Variants in ROBO1 observed in about 807,000 individuals in gnomAD.
ROBO1 encodes roundabout homolog 1.
A neutral mutation model predicts 195.9 loss-of-function variants in ROBO1; 149 were observed. The ratio of observed to expected loss-of-function variants is 0.76; its 90% CI spans 0.67 to 0.87. The LOEUF (loss-of-function observed/expected upper bound fraction) is 0.87, where lower values mean the gene tolerates loss of function less well. Among genes scored for constraint, ROBO1 ranks in the 40% least tolerant of loss-of-function variants. The pLI is 0.00. For missense variants in ROBO1, 1,933 were observed against 2,068.3 expected, an observed-to-expected ratio of 0.93 and a Z score of 1.27; for synonymous variants, 816 against 733.2, an observed-to-expected ratio of 1.11 and a Z score of -1.82.
intron 1 of ROBO1, among the ~76,000 whole-genome samples, chr3:79,648,266 C>T (rs2106724845): frequency 6.6e-6 from 1 of 152,196 alleles, no homozygotes; most frequent in Non-Finnish European, 1.5e-5. Flanking sequence ...TTAGGTATGT[C>T]TGCATTTCAG....
chr3:78,994,894 T>C (rs2077324120), intron 3 of ROBO1, among the ~76,000 whole-genome samples: 1 of 152,062 alleles, frequency 6.6e-6, no homozygotes, highest in Non-Finnish European at 1.5e-5. Context: ...GGGAGGCCAT[T>C]AAAACGCTAG....
chr3:79,587,406 GA>G (rs1943862239), intron 2 of ROBO1, among the ~76,000 whole-genome samples: 1 of 151,774 alleles, frequency 6.6e-6, no homozygotes, highest in Non-Finnish European at 1.5e-5. Context: ...TGTACCCTGA[GA>G]AGTCTTGTTC....
chr3:79,469,495 T>G (rs1242847828), intron 2 of ROBO1, among the ~76,000 whole-genome samples: 2 of 152,182 alleles, frequency 1.3e-5, no homozygotes, highest in Non-Finnish European at 2.9e-5. Context: ...ACTTTAAAAT[T>G]AAGAAGAAAT....
intron 18 of ROBO1, among the ~76,000 whole-genome samples, chr3:78,655,319 T>A (rs1706936289): frequency 6.6e-6 from 1 of 152,120 alleles, no homozygotes; most frequent in African/African-American, 2.4e-5. Context: ...AGCCAGTGAC[T>A]TAGTTTTGAG....
intron 1 of ROBO1, among the ~76,000 whole-genome samples, chr3:79,754,046 GGAAATACCTTGTGA>G (rs1187630992): frequency 6.6e-6 from 1 of 152,038 alleles, no homozygotes; most frequent in Non-Finnish European, 1.5e-5. Flanking sequence ...AAGGATACAA[GGAAATACCTTGTGA>G]GAAAAGATTA....
chr3:79,138,101 G>C (rs989035227), intron 2 of ROBO1, among the ~76,000 whole-genome samples: 7 of 151,944 alleles, frequency 4.6e-5, no homozygotes, highest in African/African-American at 1.7e-4. Flanking sequence ...ATATTGATTT[G>C]GGGATCAAAC....
At chr3:79,637,943 A>G (rs1055422591) in intron 1 of ROBO1, among the ~76,000 whole-genome samples, 2 of 152,196 alleles carry the variant, frequency 1.3e-5, no homozygotes, top group African/African-American at 4.8e-5. Context: ...GATGGTTAGT[A>G]TAAAGTGAAT....
chr3:79,737,280 A>G (rs1703430716), intron 1 of ROBO1, among the ~76,000 whole-genome samples: 2 of 152,206 alleles, frequency 1.3e-5, no homozygotes, highest in Non-Finnish European at 2.9e-5. Context: ...AATAAGCAGG[A>G]CAAAGAAAGT....
chr3:78,627,242 G>T, intron 26 of ROBO1, 79 bp downstream of exon 26: 1 of 1,465,942 alleles, frequency 6.8e-7, no homozygotes, highest in Non-Finnish European at 9.2e-7. Context: ...AAATTACTTC[G>T]TGGGATAGCA....
At chr3:79,460,874 A>C (rs1487013790) in intron 2 of ROBO1, among the ~76,000 whole-genome samples, 3 of 151,996 alleles carry the variant, frequency 2.0e-5, no homozygotes, top group Admixed American at 1.3e-4. Flanking sequence ...CAACCTCCCG[A>C]GTAGCTGGGA....
intron 14 of ROBO1, among the ~76,000 whole-genome samples, chr3:78,664,065 A>G (rs115337106): frequency 0.011 from 1,723 of 152,310 alleles, 16 homozygotes; most frequent in Non-Finnish European, 0.017. Context: ...ACAGCAGTCT[A>G]TAACATTATA....
chr3:78,990,365 C>T (rs1215862368), intron 3 of ROBO1, among the ~76,000 whole-genome samples: 1 of 152,092 alleles, frequency 6.6e-6, no homozygotes, highest in Non-Finnish European at 1.5e-5. Context: ...GTTTGCCACC[C>T]GCTACGAGCA....
At chr3:79,184,829 A>G (rs2081409124) in intron 2 of ROBO1, among the ~76,000 whole-genome samples, 1 of 152,100 alleles carries the variant, frequency 6.6e-6, no homozygotes, top group Admixed American at 6.5e-5. Context: ...ATATCCTTCA[A>G]TGTATAGTCT....
chr3:79,008,559 T>C (rs1339989643), intron 3 of ROBO1, among the ~76,000 whole-genome samples: 1 of 151,582 alleles, frequency 6.6e-6, no homozygotes, highest in African/African-American at 2.4e-5. Flanking sequence ...CATATACATG[T>C]ATATTACATA....
At chr3:78,856,459 A>G (rs1442692763) in intron 4 of ROBO1, among the ~76,000 whole-genome samples, 1 of 151,930 alleles carries the variant, frequency 6.6e-6, no homozygotes, top group African/African-American at 2.4e-5. Flanking sequence ...AAAATATAGT[A>G]TCATAAATTT....
At chr3:79,757,579 T>C (rs13069505) in intron 1 of ROBO1, among the ~76,000 whole-genome samples, 49,394 of 151,530 alleles carry the variant, frequency 0.33, 9,361 homozygotes, top group Middle Eastern at 0.54. Flanking sequence ...TTTGGGAGGC[T>C]GAGGCAGGAA....
chr3:79,595,580 G>T (rs1560023763), intron 1 of ROBO1, among the ~76,000 whole-genome samples: 1 of 151,618 alleles, frequency 6.6e-6, no homozygotes, highest in Non-Finnish European at 1.5e-5. Context: ...CAGGTAAAAA[G>T]AAAAAGTGCT....
chr3:79,009,208 C>G (rs2077715727), intron 3 of ROBO1, among the ~76,000 whole-genome samples: 1 of 150,876 alleles, frequency 6.6e-6, no homozygotes, highest in Non-Finnish European at 1.5e-5. Context: ...CCCGCCTCAG[C>G]CTCCCAAAGT....
intron 1 of ROBO1, among the ~76,000 whole-genome samples, chr3:79,604,254 G>A (rs1455472063): frequency 6.6e-6 from 1 of 151,976 alleles, no homozygotes; most frequent in Non-Finnish European, 1.5e-5. Flanking sequence ...AAGTAGCTAT[G>A]GGATCTAGAA....
Sources: allele counts gnomAD v4.1 joint callset (sites outside exome capture counted in the v4.1 genomes callset), GRCh38; gene constraint gnomAD v4.1.1; transcripts MANE v1.5; gene names NCBI Gene and HGNC (gene_info 2026-07-23, HGNC 2026-07-21).